RASAL2: variants seen among roughly 807,000 people sequenced by gnomAD.
The protein encoded by RASAL2 is ras GTPase-activating protein nGAP.
In RASAL2, 58 loss-of-function variants were observed where a neutral mutation model predicts 128.9. The ratio of observed to expected loss-of-function variants is 0.45; its 90% CI spans 0.36 to 0.56. RASAL2 has a LOEUF of 0.56. Among genes scored for constraint, RASAL2 ranks in the 20% least tolerant of loss-of-function variants. The probability of loss-of-function intolerance (pLI) is 0.00; values close to 1 mark genes in which losing one functional copy is unlikely to be tolerated. For missense variants in RASAL2, 1,360 were observed against 1,601.6 expected, an observed-to-expected ratio of 0.85 and a Z score of 2.57; for synonymous variants, 561 against 580.8, an observed-to-expected ratio of 0.97 and a Z score of 0.49.
chr1:178,282,957 T>C (rs1277241183), intron 1 of RASAL2, among the ~76,000 whole-genome samples: 1 of 152,208 alleles, frequency 6.6e-6, no homozygotes, highest in Admixed American at 6.5e-5. Flanking sequence ...GACATTTTGC[T>C]TTAATATCGG....
intron 5 of RASAL2, among the ~76,000 whole-genome samples, chr1:178,424,398 G>A (rs961795545): frequency 6.6e-4 from 99 of 151,138 alleles, no homozygotes; most frequent in African/African-American, 2.4e-3. Flanking sequence ...ATAAGCCACT[G>A]CCTCCAGCCA....
intron 3 of RASAL2, among the ~76,000 whole-genome samples, chr1:178,308,725 T>C (rs1312947062): frequency 2.0e-5 from 3 of 151,898 alleles, no homozygotes; most frequent in Non-Finnish European, 4.4e-5. Flanking sequence ...TTTTTTTTAA[T>C]TTATTCTAGA....
At chr1:178,259,999 C>A (rs1357775801) in intron 1 of RASAL2, among the ~76,000 whole-genome samples, 2 of 152,038 alleles carry the variant, frequency 1.3e-5, no homozygotes, top group Non-Finnish European at 2.9e-5. Flanking sequence ...AATGATCTTA[C>A]AAATGACCTG....
chr1:178,257,847 G>GAAAAAAAAAAAA (rs71108038), intron 1 of RASAL2, among the ~76,000 whole-genome samples: 1 of 128,070 alleles, frequency 7.8e-6, no homozygotes. Context: ...TCTCAAAAAA[G>GAAAAAAAAAAAA]AAAAAAAAAA....
chr1:178,223,782 A>T (rs910383374), intron 1 of RASAL2, among the ~76,000 whole-genome samples: 36 of 152,130 alleles, frequency 2.4e-4, no homozygotes, highest in Non-Finnish European at 4.3e-4. Context: ...TGAGAAGTAG[A>T]TAGGTTGGAT....
intron 1 of RASAL2, among the ~76,000 whole-genome samples, chr1:178,137,697 T>C (rs1660375379): frequency 6.6e-6 from 1 of 152,214 alleles, no homozygotes; most frequent in Admixed American, 6.5e-5. Context: ...AAAAATTTTG[T>C]CAGTGGTTTT....
At chr1:178,118,739 C>G (rs114182108) in intron 1 of RASAL2, among the ~76,000 whole-genome samples, 2,826 of 152,316 alleles carry the variant, frequency 0.019, 87 homozygotes, top group African/African-American at 0.065. Context: ...CCTCATAGTT[C>G]CAGTTTGGCT....
intron 3 of RASAL2, among the ~76,000 whole-genome samples, chr1:178,378,029 C>A: frequency 6.8e-6 from 1 of 148,138 alleles, no homozygotes; most frequent in African/African-American, 2.5e-5. Context: ...AAAAGAAAAT[C>A]AGAAAAAAAT....
chr1:178,325,753 A>G (rs1669007227), intron 3 of RASAL2, among the ~76,000 whole-genome samples: 1 of 152,200 alleles, frequency 6.6e-6, no homozygotes, highest in South Asian at 2.1e-4. Flanking sequence ...CTGATACAGT[A>G]TAGAGTTACA....
At chr1:178,306,674 T>G (rs1345841903) in intron 3 of RASAL2, among the ~76,000 whole-genome samples, 1 of 152,170 alleles carries the variant, frequency 6.6e-6, no homozygotes, top group South Asian at 2.1e-4. Context: ...TTTCATGTGT[T>G]TTTTGGCTGC....
chr1:178,306,326 T>A (rs1667987811), intron 3 of RASAL2, among the ~76,000 whole-genome samples: 1 of 152,184 alleles, frequency 6.6e-6, no homozygotes, highest in Non-Finnish European at 1.5e-5. Context: ...GTTCCAAGTC[T>A]TTGCTATTGT....
At chr1:178,222,701 G>A (rs1412189594) in intron 1 of RASAL2, among the ~76,000 whole-genome samples, 1 of 152,010 alleles carries the variant, frequency 6.6e-6, no homozygotes, top group Non-Finnish European at 1.5e-5. Flanking sequence ...CTTGTTAAGA[G>A]CTTGTGGATA....
chr1:178,200,118 T>C (rs1662811691), intron 1 of RASAL2, among the ~76,000 whole-genome samples: 1 of 152,200 alleles, frequency 6.6e-6, no homozygotes. Flanking sequence ...CCTTTATATA[T>C]ACATCTGTCC....
At chr1:178,451,766 C>T in intron 10 of RASAL2, 51 bp downstream of exon 10, 1 of 1,541,906 alleles carries the variant, frequency 6.5e-7, no homozygotes, top group Non-Finnish European at 8.8e-7. Context: ...AAGGTCATCA[C>T]AGTGGAACTT....
chr1:178,362,521 C>T (rs753713141), intron 3 of RASAL2, among the ~76,000 whole-genome samples: 4 of 141,720 alleles, frequency 2.8e-5, no homozygotes, highest in Non-Finnish European at 4.6e-5. Flanking sequence ...CTAAAATCTA[C>T]TCCCTTGGAA....
At chr1:178,376,978 A>G (rs1364245512) in intron 3 of RASAL2, among the ~76,000 whole-genome samples, 4 of 152,126 alleles carry the variant, frequency 2.6e-5, no homozygotes, top group African/African-American at 4.8e-5. Context: ...TATTCAGTAG[A>G]TAATGATTGC....
At chr1:178,460,950 A>AT (rs1678155407) in intron 14 of RASAL2, among the ~76,000 whole-genome samples, 3 of 151,994 alleles carry the variant, frequency 2.0e-5, no homozygotes, top group Admixed American at 2.0e-4. Flanking sequence ...AGTAGCTGGG[A>AT]TTACAGATGC....
Position 178,143,382 on chromosome 1 carries a change from G to A in RASAL2, c.202+48688G>A, listed in dbSNP as rs185986069. ...GTGATACTACCTTCATTGAGAATGCGTGGAAGATAGATTTTTAAAAAGGGT... is the reference window on the plus strand; with the variant it reads ...GTGATACTACCTTCATTGAGAATGCATGGAAGATAGATTTTTAAAAAGGGT... On this transcript the variant is annotated intron_variant, in intron 1 of 17. Coordinates refer to ENST00000367649, the MANE Select transcript of RASAL2 (RefSeq NM_170692.4). 1.3e-4 allele frequency among the ~76,000 whole-genome samples: 20 copies of A among 151,882 alleles called. No individual in the cohort carries two copies. The East Asian group carries it at 1.7e-3, about 13-fold the overall frequency.
chr1:178,393,542 C>T (rs1557953369), intron 4 of RASAL2, among the ~76,000 whole-genome samples: 1 of 152,180 alleles, frequency 6.6e-6, no homozygotes, highest in Non-Finnish European at 1.5e-5. Context: ...ATGTTTTACT[C>T]GCTCACCTGC....
Sources: allele counts gnomAD v4.1 joint callset (sites outside exome capture counted in the v4.1 genomes callset), GRCh38; gene constraint gnomAD v4.1.1; transcripts MANE v1.5; gene names NCBI Gene and HGNC (gene_info 2026-07-23, HGNC 2026-07-21).